Variants in OPHN1 observed in about 807,000 individuals in gnomAD.
OPHN1 encodes the protein oligophrenin-1.
Under a neutral mutation model 60.7 loss-of-function variants are expected in OPHN1, and 11 were observed. That is an observed-to-expected ratio of 0.18 (90% CI 0.11 to 0.30). OPHN1 has a LOEUF of 0.30. Among genes scored for constraint, OPHN1 ranks in the 10% least tolerant of loss-of-function variants. OPHN1 has a pLI of 1.00. For synonymous variants in OPHN1, 226 were observed against 222.6 expected, an observed-to-expected ratio of 1.02 and a Z score of -0.14; for missense variants, 449 against 611.0, an observed-to-expected ratio of 0.73 and a Z score of 2.80.
rs953232993 is a variant in OPHN1, at chrX:68,106,831, A to C, written c.1526+5023T>G. 8.1e-5 allele frequency among the ~76,000 whole-genome samples: 9 copies of C among 111,659 alleles called. No individual in the cohort carries two copies. The Admixed American group carries it at 8.6e-4, about 11-fold the overall frequency. On this transcript the variant is annotated intron_variant, in intron 18 of 24. Coordinates refer to ENST00000355520, the MANE Select transcript of OPHN1 (RefSeq NM_002547.3). ...ATTATGTGCATTTTAAAAACACTTG[A>C]ATTTTCTTCTCCTGTGTAAATTTCT...
At chrX:68,156,544 C>T (rs1025716212) in intron 15 of OPHN1, among the ~76,000 whole-genome samples, 1 of 110,494 alleles carries the variant, frequency 9.1e-6, no homozygotes, top group Non-Finnish European at 1.9e-5. Flanking sequence ...GTCCCCATTT[C>T]CCCTATTCCC....
chrX:68,377,052 C>A (rs2078561560), intron 2 of OPHN1, among the ~76,000 whole-genome samples: 1 of 106,883 alleles, frequency 9.4e-6, no homozygotes, highest in African/African-American at 3.4e-5. Context: ...GCCTCAGCCT[C>A]CTGAGTAGCT....
intron 10 of OPHN1, among the ~76,000 whole-genome samples, chrX:68,202,255 G>A (rs1046409114): frequency 1.8e-5 from 2 of 111,834 alleles, no homozygotes; most frequent in Non-Finnish European, 3.8e-5. Flanking sequence ...CAAAGGTAGC[G>A]CAAAAGTAGA....
chrX:68,393,651 T>C (rs2078665135), intron 2 of OPHN1, among the ~76,000 whole-genome samples: 2 of 111,096 alleles, frequency 1.8e-5, no homozygotes, highest in Admixed American at 9.7e-5. Flanking sequence ...ACTTTAAATG[T>C]CCCTTTTTTA....
intron 3 of OPHN1, among the ~76,000 whole-genome samples, chrX:68,297,239 T>C (rs774713738): frequency 8.9e-6 from 1 of 112,066 alleles, no homozygotes; most frequent in East Asian, 2.8e-4. Flanking sequence ...AACATTCATT[T>C]AGACACTATG....
At chrX:68,262,791 G>A (rs896115641) in intron 5 of OPHN1, among the ~76,000 whole-genome samples, 2 of 106,813 alleles carry the variant, frequency 1.9e-5, no homozygotes, top group African/African-American at 6.7e-5. Context: ...CCGACAGAAC[G>A]GAAAGGACAG....
chrX:68,198,063 C>T (rs2077519997), intron 11 of OPHN1, among the ~76,000 whole-genome samples: 2 of 111,005 alleles, frequency 1.8e-5, no homozygotes, highest in Non-Finnish European at 3.8e-5. Flanking sequence ...CTGCCTGGCA[C>T]ACGGCTTCGA....
intron 10 of OPHN1, among the ~76,000 whole-genome samples, chrX:68,206,272 A>T (rs1489830148): frequency 2.7e-5 from 3 of 111,796 alleles, no homozygotes; most frequent in Non-Finnish European, 5.6e-5. Context: ...AGAGTAGAGC[A>T]TTCTTAAAAG....
At chrX:68,416,319 T>TA (rs1478813719) in intron 2 of OPHN1, among the ~76,000 whole-genome samples, 1 of 109,511 alleles carries the variant, frequency 9.1e-6, no homozygotes, top group Non-Finnish European at 1.9e-5. Context: ...GCTGGTATTA[T>TA]ATATATACCA....
chrX:68,266,672 G>A (rs370715955), intron 5 of OPHN1, among the ~76,000 whole-genome samples: 12 of 111,240 alleles, frequency 1.1e-4, no homozygotes, highest in South Asian at 3.9e-4. Flanking sequence ...AAATTTACAC[G>A]TAACAATATT....
intron 2 of OPHN1, among the ~76,000 whole-genome samples, chrX:68,366,450 T>G (rs895997167): frequency 3.6e-5 from 4 of 110,669 alleles, no homozygotes; most frequent in Non-Finnish European, 7.6e-5. Context: ...CACCTCAGCC[T>G]CCCAAGTAGC....
rs190691638 is a variant in OPHN1 at position 68,042,509 on chromosome X, A to C, written c.*4663T>G. ...TGCTTCATTTCCCCCAGGAAAATGA[A>C]GGCTTTTCTTTATCGAAAACTTATC... On this transcript the variant is annotated 3_prime_UTR_variant, in exon 25 of 25. Transcript: ENST00000355520. 9 of 111,611 alleles carry C rather than the reference A, an allele frequency of 8.1e-5. No homozygotes were observed. The highest frequency in any genetic ancestry group is 2.9e-4 in the African/African-American group (9 of 30,721). The allele number at this position is 111,611 out of a possible 1,213,427, so 9.2% of individuals were successfully genotyped here. A position where few individuals can be genotyped will look rare whatever the true frequency, so the allele number is the denominator to read the frequency against.
chrX:68,101,470 G>C (rs1418038301), intron 18 of OPHN1, among the ~76,000 whole-genome samples: 1 of 112,049 alleles, frequency 8.9e-6, no homozygotes, highest in Non-Finnish European at 1.9e-5. Flanking sequence ...TTTGGTTTAT[G>C]TGCTTGTTAG....
chrX:68,324,397 G>A (rs1201802661), intron 2 of OPHN1, among the ~76,000 whole-genome samples: 1 of 108,036 alleles, frequency 9.3e-6, no homozygotes, highest in Non-Finnish European at 1.9e-5. Flanking sequence ...GAGCCCAGGA[G>A]TTCAAGATGA....
intron 2 of OPHN1, among the ~76,000 whole-genome samples, chrX:68,318,554 T>C (rs994110360): frequency 6.2e-5 from 7 of 112,756 alleles, no homozygotes; most frequent in Non-Finnish European, 9.4e-5. Context: ...TTTAGATTTA[T>C]TGAAGAATTT....
At position 68,043,917 on chromosome X, in the gene OPHN1, C is replaced by A. The variant is rs1394889295; in HGVS notation, c.*3255G>T. The A allele has an allele frequency of 9.0e-6, 1 of 111,623 alleles. No individual in the cohort carries two copies. The highest frequency in any genetic ancestry group is 1.9e-5 in the Non-Finnish European group (1 of 53,196). 9.2% of individuals were successfully genotyped at this position (111,623 alleles called of 1,213,427 possible). A position where few individuals can be genotyped will look rare whatever the true frequency, so the allele number is the denominator to read the frequency against. ...GTCTCTTAGGCTGAAACTGAAACTG[C>A]CCATGCTACAACCTTGGCGAAGTAT... On this transcript the variant is annotated 3_prime_UTR_variant, in exon 25 of 25. Transcript: ENST00000355520.
chrX:68,244,220 T>C (rs890492629), intron 5 of OPHN1, among the ~76,000 whole-genome samples: 2 of 112,046 alleles, frequency 1.8e-5, no homozygotes, highest in African/African-American at 6.5e-5. Context: ...CATGACTGGC[T>C]TCTTTTCAAT....
At chrX:68,106,292 T>C (rs944072488) in intron 18 of OPHN1, among the ~76,000 whole-genome samples, 6 of 107,956 alleles carry the variant, frequency 5.6e-5, no homozygotes, top group African/African-American at 2.0e-4. Context: ...AAAAAGAACC[T>C]AGTAAGCTAA....
In OPHN1 at chrX:68,389,542, G is replaced by A. The variant is rs761968293; in HGVS notation, c.154+43325C>T. On this transcript the variant is annotated intron_variant, in intron 2 of 24. Transcript: ENST00000355520. Reference sequence around the variant, plus strand: ...AGTTTGTGCCACTGCACTCCAGCCTGGGCAACAGAGCAAGACTCCCTCTCA... The same window carrying A: ...AGTTTGTGCCACTGCACTCCAGCCTAGGCAACAGAGCAAGACTCCCTCTCA... 4.9e-5 allele frequency among the ~76,000 whole-genome samples: 5 copies of A among 102,048 alleles called. No individual in the cohort carries two copies. In the South Asian group the frequency reaches 2.3e-3, roughly 48 times the overall value. 88.6% of individuals were successfully genotyped at this position (102,048 alleles called of 115,157 possible). A position where few individuals can be genotyped will look rare whatever the true frequency, so the allele number is the denominator to read the frequency against.
Sources: gnomAD v4.1 joint callset for allele counts (sites outside exome capture counted in the v4.1 genomes callset) on GRCh38, gnomAD v4.1.1 for gene constraint, MANE v1.5 for transcripts, NCBI Gene and HGNC (gene_info 2026-07-23, HGNC 2026-07-21) for gene names.